Variants in ARMCX4 observed in about 807,000 individuals in gnomAD.
The protein encoded by ARMCX4 is armadillo repeat-containing X-linked protein 4.
ARMCX4 carries 3 observed loss-of-function variants against 34.7 expected under a neutral mutation model. The observed-to-expected ratio is 0.09, with a 90% CI of 0.04 to 0.22. ARMCX4 has a LOEUF of 0.22. Among genes scored for constraint, ARMCX4 ranks in the 10% least tolerant of loss-of-function variants. ARMCX4 has a pLI of 1.00. For synonymous variants in ARMCX4, 513 were observed against 632.8 expected, an observed-to-expected ratio of 0.81 and a Z score of 2.84; for missense variants, 1,448 against 1,720.8, an observed-to-expected ratio of 0.84 and a Z score of 2.81.
Position 101,432,259 on chromosome X carries a change from C to T in ARMCX4, n.165-11793C>T, listed in dbSNP as rs3027568. The stretch of plus-strand genomic sequence containing the variant: ...GTCTTGCCTCTGGAATGGACTGAAG[C>T]GAAGATGAGTCCCGTGTTCTCTATC... On this transcript the variant is annotated intron_variant and non_coding_transcript_variant, in intron 2 of 3. Transcript: ENST00000430461. Among the ~76,000 whole-genome samples the T allele has an allele frequency of 8.5e-3, 947 of 111,385 alleles. 32 individuals carry two copies. Among genetic ancestry groups the T allele is most frequent in the Admixed American group, 0.083 (864 of 10,370 alleles).
At chrX:101,498,167 C>T (rs1283120787), downstream of ARMCX4, 2 of 328,778 alleles carry the variant, frequency 6.1e-6, no homozygotes, top group African/African-American at 2.7e-5. Context: ...AGAGCATTCC[C>T]TAGTAAAAAC....
At chrX:101,473,572 A>T (rs1758392370) in intron 4 of ARMCX4, among the ~76,000 whole-genome samples, 1 of 109,977 alleles carries the variant, frequency 9.1e-6, no homozygotes, top group African/African-American at 3.3e-5. Context: ...AGCTCTCCTC[A>T]GCAAATGTAA....
chrX:101,526,806 A>G (rs782706494), intron 11 of ARMCX4, among the ~76,000 whole-genome samples: 1 of 112,003 alleles, frequency 8.9e-6, no homozygotes, highest in South Asian at 3.7e-4. Flanking sequence ...TATGCACCCA[A>G]TACAGGAGCA....
At chrX:101,475,950 GA>G (rs1380608750) in intron 4 of ARMCX4, among the ~76,000 whole-genome samples, 1 of 110,202 alleles carries the variant, frequency 9.1e-6, no homozygotes, top group Non-Finnish European at 1.9e-5. Flanking sequence ...TTAGCAAAAA[GA>G]TAGAGGATTT....
At chrX:101,421,385 A>G (rs1279125866) in intron 2 of ARMCX4, among the ~76,000 whole-genome samples, 1 of 110,633 alleles carries the variant, frequency 9.0e-6, no homozygotes, top group Non-Finnish European at 1.9e-5. Context: ...GGGGATTGGT[A>G]TATTTTAGGG....
chrX:101,428,129 G>A (rs1929748535), intron 2 of ARMCX4, among the ~76,000 whole-genome samples: 1 of 112,105 alleles, frequency 8.9e-6, no homozygotes, highest in Non-Finnish European at 1.9e-5. Context: ...ACTGGAAACA[G>A]ACAAATGTGC....
Position 101,441,820 on chromosome X carries a change from C to T in ARMCX4, n.165-2232C>T, listed in dbSNP as rs149953321. Among the ~76,000 whole-genome samples the T allele has an allele frequency of 1.8e-4, 20 of 111,526 alleles. No individual in the cohort carries two copies. In the Middle Eastern group the frequency reaches 0.014, roughly 76 times the overall value. On this transcript the variant is annotated intron_variant and non_coding_transcript_variant, in intron 2 of 3. Coordinates refer to the ARMCX4 transcript ENST00000430461. The stretch of plus-strand genomic sequence containing the variant: ...GATGGCCTGTGCTAGTGGTTCTCAG[C>T]GTATTGTTCCTGGACCAGGAACATC...
chrX:101,477,914 A>T (rs1933272293), intron 4 of ARMCX4, among the ~76,000 whole-genome samples: 1 of 112,120 alleles, frequency 8.9e-6, no homozygotes, highest in Non-Finnish European at 1.9e-5. Flanking sequence ...GAACCATAAA[A>T]TTTTTTGTTC....
intron 11 of ARMCX4, among the ~76,000 whole-genome samples, chrX:101,526,887 A>G (rs1247313349): frequency 9.0e-6 from 1 of 111,596 alleles, no homozygotes; most frequent in Non-Finnish European, 1.9e-5. Flanking sequence ...ATAATGGGAG[A>G]CTTTAACACC....
chrX:101,441,959 A>C (rs1407222787), intron 2 of ARMCX4, among the ~76,000 whole-genome samples: 1 of 111,946 alleles, frequency 8.9e-6, no homozygotes, highest in Non-Finnish European at 1.9e-5. Flanking sequence ...GTGTTTTAAC[A>C]AGTGCTCAGG....
Position 101,489,512 on chromosome X carries a change from C to T in ARMCX4, c.923C>T (p.Ser308Phe), listed in dbSNP as rs1302364998. The change falls in exon 6 of 6, where the codon TCT becomes TTT. Residue 308 changes from serine (S) to phenylalanine (F), a missense_variant. Ser to Phe is a radical substitution (Grantham distance 155). This residue lies in a region of ARMCX4 where 1,343 missense variants were observed against 1,540.7 expected (regional missense o/e 0.87). Transcript: ENST00000423738. ...VEDMGNCKTM[S>F]RAESGADTRA... ...GACATGGGGAATTGTAAAACCATGT[C>T]TAGGGCAGAGTCTGGGGCAGACACG... The T allele has an allele frequency of 1.9e-5, 22 of 1,153,826 alleles. No individual in the cohort carries two copies. The highest frequency in any genetic ancestry group is 2.5e-5 in the Non-Finnish European group (22 of 872,641).
intron 11 of ARMCX4, among the ~76,000 whole-genome samples, chrX:101,514,523 T>C (rs1241099985): frequency 5.3e-5 from 6 of 112,242 alleles, no homozygotes; most frequent in South Asian, 7.5e-4. Flanking sequence ...CATGCACCTA[T>C]TGTTGCACTT....
chrX:101,530,332 C>T (rs1218502578), intron 11 of ARMCX4, among the ~76,000 whole-genome samples: 1 of 110,753 alleles, frequency 9.0e-6, no homozygotes, highest in Non-Finnish European at 1.9e-5. Flanking sequence ...CGGAGCCTTC[C>T]GTGGGGTTGG....
intron 4 of ARMCX4, among the ~76,000 whole-genome samples, chrX:101,464,110 T>C (rs892014944): frequency 1.8e-5 from 2 of 110,088 alleles, no homozygotes; most frequent in Non-Finnish European, 3.8e-5. Flanking sequence ...CGGTGGCTCA[T>C]GCCTGTAATC....
chrX:101,433,103 C>G (rs182540409), intron 2 of ARMCX4, among the ~76,000 whole-genome samples: 1 of 106,943 alleles, frequency 9.4e-6, no homozygotes, highest in Non-Finnish European at 1.9e-5. Flanking sequence ...TGTATACATA[C>G]GCACGTATAC....
intron 2 of ARMCX4, chrX:101,443,811 A>G (rs1931461206): frequency 2.9e-6 from 1 of 341,613 alleles, no homozygotes; most frequent in Non-Finnish European, 5.6e-6. Flanking sequence ...TTGCCATCCA[A>G]CCACTCAATC....
At chrX:101,496,845 G>A (rs1401636975), downstream of ARMCX4, among the ~76,000 whole-genome samples, 4 of 111,686 alleles carry the variant, frequency 3.6e-5, no homozygotes, top group Non-Finnish European at 7.5e-5. Context: ...CATATCCTTT[G>A]ACCCTGTAAT....
rs186119618 is a variant in ARMCX4, at chrX:101,514,787, G to T, written c.*1780+3732G>T. Among the ~76,000 whole-genome samples, 9 of 111,773 alleles carry T rather than the reference G, an allele frequency of 8.1e-5. No homozygotes were observed. The East Asian group carries it at 2.5e-3, about 31-fold the overall frequency. ...CCTGGGGAATGTTTCCATAATGGAGGACTCAGTTTTGGTCTTTAATGCTAG... is the reference window on the plus strand; with the variant it reads ...CCTGGGGAATGTTTCCATAATGGAGTACTCAGTTTTGGTCTTTAATGCTAG... On this transcript the variant is annotated intron_variant and NMD_transcript_variant, in intron 11 of 12. Transcript: ENST00000354842.
intron 2 of ARMCX4, among the ~76,000 whole-genome samples, chrX:101,428,631 A>C (rs1929777106): frequency 9.1e-6 from 1 of 110,155 alleles, no homozygotes; most frequent in African/African-American, 3.3e-5. Flanking sequence ...TCTGTTCTCT[A>C]CTTTTTGTAT....
Sources: gnomAD v4.1 joint callset for allele counts (sites outside exome capture counted in the v4.1 genomes callset) on GRCh38, gnomAD v4.1.1 for gene constraint, gnomAD v4.1.1 regional missense constraint, MANE v1.5 for transcripts, NCBI Gene and HGNC (gene_info 2026-07-23, HGNC 2026-07-21) for gene names.